The following GPA33 variants were observed in gnomAD, a reference collection of about 807,000 sequenced individuals.
The protein encoded by GPA33 is cell surface A33 antigen.
GPA33 carries 27 observed loss-of-function variants against 35.6 expected under a neutral mutation model. That is an observed-to-expected ratio of 0.76 (90% CI 0.56 to 1.04). GPA33 has a LOEUF of 1.04. GPA33 is among the 50% of genes least tolerant of loss of function. GPA33 has a pLI of 0.00. For synonymous variants in GPA33, 176 were observed against 164.0 expected (o/e 1.07, Z -0.56); for missense variants, 428 against 411.9 (o/e 1.04, Z -0.34).
chr1:167,088,645 A>G (rs1331063708), intron 1 of GPA33, among the ~76,000 whole-genome samples: 1 of 152,222 alleles, frequency 6.6e-6, no homozygotes, highest in Non-Finnish European at 1.5e-5. Context: ...GTCCTGCTCC[A>G]GGCAATTCAG....
rs1202531245 is a variant in GPA33, at chr1:167,055,887, A to G, written c.572-38T>C. On this transcript the variant is annotated intron_variant, in intron 4 of 6. Transcript: ENST00000367868. ...AAGAGTCAGGGTGAAGAGAGGCACT[A>G]CAGTGGAGTGGAGACAGCCAGGAAT... 5.0e-6 allele frequency: 8 copies of G among 1,611,592 alleles called. No individual in the cohort carries two copies. In the East Asian group the frequency reaches 8.9e-5, roughly 18 times the overall value.
intron 4 of GPA33, among the ~76,000 whole-genome samples, chr1:167,060,157 T>G (rs1468810427): frequency 6.6e-6 from 1 of 152,216 alleles, no homozygotes; most frequent in Non-Finnish European, 1.5e-5. Context: ...CACTGCAACC[T>G]CTGCCTTCCA....
intron 4 of GPA33, among the ~76,000 whole-genome samples, chr1:167,061,219 C>A (rs1571305843): frequency 6.6e-6 from 1 of 152,226 alleles, no homozygotes; most frequent in Non-Finnish European, 1.5e-5. Context: ...CTTGGAGAAA[C>A]CTTCTTTGAT....
chr1:167,066,953 G>A (rs1372477546), intron 3 of GPA33, among the ~76,000 whole-genome samples: 1 of 152,246 alleles, frequency 6.6e-6, no homozygotes, highest in Non-Finnish European at 1.5e-5. Flanking sequence ...GTTTACTGAG[G>A]TCATCCAGCC....
chr1:167,086,445 G>A (rs1667050754), intron 1 of GPA33, among the ~76,000 whole-genome samples: 2 of 152,230 alleles, frequency 1.3e-5, no homozygotes, highest in African/African-American at 2.4e-5. Context: ...TCTTAGGCTA[G>A]GCCACTGCAC....
chr1:167,055,614 G>T, intron 5 of GPA33, 116 bp downstream of exon 5: 2 of 1,124,918 alleles, frequency 1.8e-6, no homozygotes, highest in Non-Finnish European at 2.6e-6. Flanking sequence ...ACCTGCAGGT[G>T]CGTGGCCCTA....
intron 1 of GPA33, among the ~76,000 whole-genome samples, chr1:167,074,476 T>C (rs1421966392): frequency 2.0e-5 from 3 of 152,158 alleles, no homozygotes; most frequent in Admixed American, 6.5e-5. Flanking sequence ...ACCTAGCTGT[T>C]GGAACTGATG....
intron 4 of GPA33, among the ~76,000 whole-genome samples, chr1:167,056,647 T>TGCTGTGCACTATG (rs1666273908): frequency 9.7e-4 from 1 of 1,034 alleles, no homozygotes; most frequent in Non-Finnish European, 1.9e-3. Context: ...GTGGTGTGTG[T>TGCTGTGCACTATG]AGTGTGTGTG....
chr1:167,054,855 G>A, intron 6 of GPA33, 121 bp downstream of exon 6: 4 of 1,136,402 alleles, frequency 3.5e-6, no homozygotes, highest in Non-Finnish European at 5.1e-6. Flanking sequence ...TGTTTCATCA[G>A]CACAAAATGG....
At position 167,073,378 on chromosome 1, in the gene GPA33, T is replaced by C. The variant is rs1477127299; in HGVS notation, c.198+7A>G. ...CCATGTTGCCTGAACTTGTAAAGTATCCTTACCGTATGAGTGAGGAGGAGC... is the reference window on the plus strand; with the variant it reads ...CCATGTTGCCTGAACTTGTAAAGTACCCTTACCGTATGAGTGAGGAGGAGC... On this transcript the variant is annotated splice_region_variant and intron_variant, in intron 2 of 6. Transcript: ENST00000367868. 2 of 1,612,718 alleles carry C rather than the reference T, an allele frequency of 1.2e-6. No individual in the cohort carries two copies. The highest frequency in any genetic ancestry group is 2.7e-5 in the African/African-American group (2 of 74,876).
chr1:167,070,307 A>T (rs1318371588), intron 2 of GPA33, among the ~76,000 whole-genome samples: 7 of 152,320 alleles, frequency 4.6e-5, no homozygotes. Flanking sequence ...AGCAATAAAG[A>T]TCATAGCTGC....
intron 2 of GPA33, among the ~76,000 whole-genome samples, chr1:167,070,232 C>T (rs1571312648): frequency 6.6e-6 from 1 of 152,108 alleles, no homozygotes; most frequent in South Asian, 2.1e-4. Flanking sequence ...CAACCCCAGT[C>T]ATTCAGTATG....
chr1:167,079,605 G>T (rs937973814), intron 1 of GPA33, among the ~76,000 whole-genome samples: 3 of 152,152 alleles, frequency 2.0e-5, no homozygotes, highest in African/African-American at 7.2e-5. Context: ...GTGCCCTGAG[G>T]CACACTTACA....
At chr1:167,079,549 T>C (rs1666885680) in intron 1 of GPA33, among the ~76,000 whole-genome samples, 1 of 152,120 alleles carries the variant, frequency 6.6e-6, no homozygotes, top group South Asian at 2.1e-4. Flanking sequence ...GAGCACTCTT[T>C]CAATGTTCTT....
At position 167,063,677 on chromosome 1, in the gene GPA33, T is replaced by C; in HGVS notation, c.476A>G (p.Gln159Arg). ...EGETIIGNNI[Q>R]LTCQSKEGSP... Reference sequence around the variant, plus strand: ...GCCCTCCTTTGATTGGCAGGTCAGCTGGATGTTGTTCCCAATTATGGTCTC... The same window carrying C: ...GCCCTCCTTTGATTGGCAGGTCAGCCGGATGTTGTTCCCAATTATGGTCTC... Residue 159 changes from glutamine to arginine, a missense_variant, in exon 4 of 7, where the codon CAG becomes CGG. Transcript: ENST00000367868. The C allele has an allele frequency of 6.2e-7, 1 of 1,613,742 alleles. No homozygotes were observed. The highest frequency in any genetic ancestry group is 8.5e-7 in the Non-Finnish European group (1 of 1,179,982).
intron 4 of GPA33, among the ~76,000 whole-genome samples, chr1:167,056,727 GA>G (rs1666291063): frequency 2.8e-4 from 3 of 10,758 alleles, no homozygotes; most frequent in Admixed American, 9.3e-4. Flanking sequence ...TGTAGTGTGT[GA>G]TGTATGTGGT....
rs757343524 is a variant in GPA33 at position 167,055,858 on chromosome 1, G to T, written c.572-9C>A. ...GACAGGCTGACCTGAGGCTGCAGGG[G>T]AAGAAGAGTCAGGGTGAAGAGAGGC... On this transcript the variant is annotated splice_polypyrimidine_tract_variant and intron_variant, in intron 4 of 6. Transcript: ENST00000367868. The T allele has an allele frequency of 1.9e-6, 3 of 1,613,876 alleles. No individual in the cohort carries two copies. The highest frequency in any genetic ancestry group is 2.5e-6 in the Non-Finnish European group (3 of 1,179,844).
At chr1:167,056,566 G>GGTGTGTGGT (rs1666261061) in intron 4 of GPA33, among the ~76,000 whole-genome samples, 1 of 17,700 alleles carries the variant, frequency 5.6e-5, no homozygotes, top group Non-Finnish European at 1.5e-4. Context: ...TATGGTATGT[G>GGTGTGTGGT]GTGTGTGTGG....
In GPA33 at chr1:167,063,714, C is replaced by T. The variant is rs891244148; in HGVS notation, c.439G>A (p.Gly147Ser). The change falls in exon 4 of 7, where the codon GGC (glycine) becomes AGC (serine). Residue 147 changes from glycine to serine, a missense_variant. Gly to Ser is a moderately conservative substitution (Grantham distance 56). Coordinates refer to ENST00000367868, the MANE Select transcript of GPA33 (RefSeq NM_005814.3). ...VLVPPSKPECGIEGETIIGNN... is the reference protein window; with the variant it reads ...VLVPPSKPECSIEGETIIGNN... ...CCAATTATGGTCTCTCCCTCGATGC[C>T]GCATTCTGGTTTGGAGGGTGGCACT... 16 of 1,613,104 alleles carry T rather than the reference C, an allele frequency of 9.9e-6. No homozygotes were observed. The highest frequency in any genetic ancestry group is 5.0e-5 in the Admixed American group (3 of 59,974).
Sources: gnomAD v4.1 joint callset for allele counts (sites outside exome capture counted in the v4.1 genomes callset) on GRCh38, gnomAD v4.1.1 for gene constraint, MANE v1.5 for transcripts, NCBI Gene and HGNC (gene_info 2026-07-23, HGNC 2026-07-21) for gene names.